The following EFNA1 variants were observed in gnomAD, a reference collection of about 807,000 sequenced individuals.
EFNA1 encodes the protein ephrin A1.
EFNA1 carries 8 observed loss-of-function variants against 23.2 expected under a neutral mutation model. That is an observed-to-expected ratio of 0.34 (90% CI 0.20 to 0.62). EFNA1 has a LOEUF of 0.62. EFNA1 is among the 20% of genes least tolerant of loss of function. The pLI is 0.75. For missense variants in EFNA1, 217 were observed against 260.0 expected, an observed-to-expected ratio of 0.83 and a Z score of 1.14; for synonymous variants, 89 against 98.6, an observed-to-expected ratio of 0.90 and a Z score of 0.58.
In EFNA1 at chr1:155,128,023, G is replaced by T. The variant is rs747650541; in HGVS notation, c.46G>T (p.Ala16Ser). The change falls in exon 1 of 5, where the codon GCC becomes TCC. Residue 16 changes from alanine (A) to serine (S), a missense_variant. Physicochemically the swap from Ala to Ser is moderately conservative, Grantham distance 99 (BLOSUM62 1). Coordinates refer to ENST00000368407, the MANE Select transcript of EFNA1 (RefSeq NM_004428.3). ...APLLGLCCSL[A>S]AADRHTVFWN... ...TCTCTTGGGTCTGTGCTGCAGTCTG[G>T]CCGCTGCTGATCGCCACACCGTCTT... is the stretch of plus-strand genomic sequence containing the variant. The T allele has an allele frequency of 6.2e-7, 1 of 1,613,796 alleles. No individual in the cohort carries two copies. The highest frequency in any genetic ancestry group is 2.2e-5 in the East Asian group (1 of 44,872).
intron 1 of EFNA1, among the ~76,000 whole-genome samples, chr1:155,129,319 G>T (rs947277647): frequency 6.6e-6 from 1 of 152,082 alleles, no homozygotes; most frequent in Non-Finnish European, 1.5e-5. Flanking sequence ...GAGTAGGGAG[G>T]GGGGGACCCT....
intron 1 of EFNA1, among the ~76,000 whole-genome samples, chr1:155,129,157 G>A (rs1411060351): frequency 6.6e-6 from 1 of 152,204 alleles, no homozygotes; most frequent in Non-Finnish European, 1.5e-5. Flanking sequence ...GCCCATGGAC[G>A]CTGGGGAGGC....
At chr1:155,129,855 TG>T in intron 1 of EFNA1, 1 of 152,710 alleles carries the variant, frequency 6.5e-6, no homozygotes. Context: ...CCTGGGGTCC[TG>T]GGGGCTGTGC....
At chr1:155,133,059 T>C (rs1476946657) in intron 2 of EFNA1, among the ~76,000 whole-genome samples, 1 of 152,060 alleles carries the variant, frequency 6.6e-6, no homozygotes. Flanking sequence ...TACAGGCATG[T>C]GCCACCATGC....
intron 1 of EFNA1, 66 bp downstream of exon 1, chr1:155,128,135 T>C: frequency 1.4e-6 from 2 of 1,445,018 alleles, no homozygotes; most frequent in East Asian, 2.3e-5. Flanking sequence ...GGGATAACTG[T>C]CCCGGCCAAA....
At chr1:155,128,546 T>C (rs550066411) in intron 1 of EFNA1, among the ~76,000 whole-genome samples, 8 of 152,338 alleles carry the variant, frequency 5.3e-5, no homozygotes, top group South Asian at 4.1e-4. Context: ...AGCTGGGCTG[T>C]AGGCATTCAT....
At chr1:155,130,378 T>G (rs1571684498) in intron 1 of EFNA1, 68 of 313,682 alleles carry the variant, frequency 2.2e-4, no homozygotes, top group Non-Finnish European at 2.9e-4. Context: ...CTGGAGCTGG[T>G]GGGGAGGGGC....
chr1:155,132,025 A>G (rs1248803570), intron 2 of EFNA1, among the ~76,000 whole-genome samples: 2 of 151,906 alleles, frequency 1.3e-5, no homozygotes, highest in African/African-American at 4.8e-5. Context: ...GGACAAGCAG[A>G]GGAGCTGGCC....
chr1:155,130,313 T>C (rs1385070242), intron 1 of EFNA1, among the ~76,000 whole-genome samples: 1 of 151,402 alleles, frequency 6.6e-6, no homozygotes, highest in Non-Finnish European at 1.5e-5. Flanking sequence ...GCTTGCGGGG[T>C]CGGGGGAAGC....
intron 1 of EFNA1, chr1:155,130,459 T>C (rs1571684567): frequency 1.2e-6 from 1 of 867,396 alleles, no homozygotes; most frequent in South Asian, 5.5e-5. Flanking sequence ...GGCTCCACCT[T>C]GGGAGGAGGG....
chr1:155,131,218 T>A, intron 1 of EFNA1, 121 bp from the exon 2 acceptor site: 4 of 1,415,078 alleles, frequency 2.8e-6, no homozygotes, highest in Non-Finnish European at 3.8e-6. Flanking sequence ...AGTTGAAACT[T>A]CGGAAAAATC....
chr1:155,131,520 T>G lies in EFNA1; in HGVS notation c.274T>G (p.Cys92Gly). ...PQSKDQVRWQ[C>G]NRPSAKHGPE... is the part of the protein sequence containing the mutation. Reference sequence around the variant, plus strand: ...GTCCAAGGACCAAGTCCGCTGGCAGTGCAACCGGCCCAGTGCCAAGCATGG... The same window carrying G: ...GTCCAAGGACCAAGTCCGCTGGCAGGGCAACCGGCCCAGTGCCAAGCATGG... The change falls in exon 2 of 5, where the codon TGC becomes GGC. Residue 92 changes from cysteine (C) to glycine (G), a missense_variant. Transcript: ENST00000368407. The G allele has an allele frequency of 6.2e-7, 1 of 1,613,706 alleles. No homozygotes were observed. Among genetic ancestry groups the G allele is most frequent in the East Asian group, 2.2e-5 (1 of 44,886 alleles).
chr1:155,134,433 G>GC lies in EFNA1; in HGVS notation c.*371dup. 1 of 304,446 alleles carries GC rather than the reference G, an allele frequency of 3.3e-6. No homozygotes were observed. The highest frequency in any genetic ancestry group is 3.3e-5 in the South Asian group (1 of 29,902). 18.9% of individuals were successfully genotyped at this position (304,446 alleles called of 1,614,324 possible). ...TGGATGGGCAAAGCTTGTCAAAGATGCCCCCTCCAGGAGAGAGCCAGGATG... is the reference window on the plus strand; with the variant it reads ...TGGATGGGCAAAGCTTGTCAAAGATGCCCCCCTCCAGGAGAGAGCCAGGATG... On this transcript the variant is annotated 3_prime_UTR_variant, in exon 5 of 5. Transcript: ENST00000368407.
Position 155,134,301 on chromosome 1 carries a change from A to C in EFNA1, c.*234A>C. On this transcript the variant is annotated 3_prime_UTR_variant, in exon 5 of 5. Transcript: ENST00000368407. ...CTTCACCTCGGAGGGATGGAGAAAGAAGTGGAGACAGTCCTTTCCCACCAT... is the reference window on the plus strand; with the variant it reads ...CTTCACCTCGGAGGGATGGAGAAAGCAGTGGAGACAGTCCTTTCCCACCAT... The C allele has an allele frequency of 1.8e-6, 1 of 564,180 alleles. No homozygotes were observed. Among genetic ancestry groups the C allele is most frequent in the Non-Finnish European group, 3.2e-6 (1 of 313,342 alleles). 34.9% of individuals were successfully genotyped at this position (564,180 alleles called of 1,614,324 possible).
At chr1:155,130,494 AGGAGAGAGG>A (rs1205437132) in intron 1 of EFNA1, 51 of 956,376 alleles carry the variant, frequency 5.3e-5, no homozygotes, top group Admixed American at 4.2e-4. Flanking sequence ...GGGGGAGAGG[AGGAGAGAGG>A]GGAGAGAGGG....
intron 4 of EFNA1, 25 bp from the exon 5 acceptor site, chr1:155,133,930 T>C: frequency 6.2e-7 from 1 of 1,612,288 alleles, no homozygotes; most frequent in Non-Finnish European, 8.5e-7. Flanking sequence ...CTCACACTGG[T>C]GGCCTTTGCC....
chr1:155,132,540 G>A lies in EFNA1; in HGVS notation c.388+906G>A, dbSNP rs185035864. Among the ~76,000 whole-genome samples, 674 of 151,078 alleles carry A rather than the reference G, an allele frequency of 4.5e-3. 4 individuals are homozygous for A. The highest frequency in any genetic ancestry group is 0.01 in the Middle Eastern group (3 of 292). On this transcript the variant is annotated intron_variant, in intron 2 of 4. Coordinates refer to ENST00000368407, the MANE Select transcript of EFNA1 (RefSeq NM_004428.3). Reference sequence around the variant, plus strand: ...TGGGATTATAGGCATGAACCACCGCGCATGGCCTGATGGATTTTAAAAGTT... The same window carrying A: ...TGGGATTATAGGCATGAACCACCGCACATGGCCTGATGGATTTTAAAAGTT...
intron 1 of EFNA1, 124 bp from the exon 2 acceptor site, chr1:155,131,215 A>G: frequency 7.1e-7 from 1 of 1,409,816 alleles, no homozygotes; most frequent in Non-Finnish European, 9.5e-7. Context: ...GGGAGTTGAA[A>G]CTTCGGAAAA....
At chr1:155,128,090 T>G in intron 1 of EFNA1, 21 bp downstream of exon 1, 1 of 1,609,256 alleles carries the variant, frequency 6.2e-7, no homozygotes, top group Non-Finnish European at 8.5e-7. Flanking sequence ...AGACTCCCGC[T>G]GGCAGCCTGG....
Sources: gnomAD v4.1 joint callset for allele counts (sites outside exome capture counted in the v4.1 genomes callset) on GRCh38, gnomAD v4.1.1 for gene constraint, MANE v1.5 for transcripts, NCBI Gene and HGNC (gene_info 2026-07-23, HGNC 2026-07-21) for gene names.